The following CDKAL1 variants were observed in gnomAD, a reference collection of about 807,000 sequenced individuals.
CDKAL1 encodes the protein threonylcarbamoyladenosine tRNA methylthiotransferase.
A neutral mutation model predicts 68.2 loss-of-function variants in CDKAL1; 32 were observed. The observed-to-expected ratio is 0.47, with a 90% CI of 0.35 to 0.63. CDKAL1 has a LOEUF of 0.63. Ranked by LOEUF, CDKAL1 falls within the 30% of genes least tolerant of loss-of-function variation. The pLI is 0.00. For missense variants in CDKAL1, 606 were observed against 696.7 expected (o/e 0.87, Z 1.47); for synonymous variants, 234 against 244.3 (o/e 0.96, Z 0.39).
At chr6:20,605,802 C>T (rs1385047451) in intron 4 of CDKAL1, among the ~76,000 whole-genome samples, 2 of 152,168 alleles carry the variant, frequency 1.3e-5, no homozygotes, top group African/African-American at 4.8e-5. Flanking sequence ...ACTGAGTCAG[C>T]TCTGGGCGCC....
At chr6:20,762,661 C>T (rs888375540) in intron 7 of CDKAL1, among the ~76,000 whole-genome samples, 1 of 152,106 alleles carries the variant, frequency 6.6e-6, no homozygotes, top group Non-Finnish European at 1.5e-5. Flanking sequence ...TTAAAATGGT[C>T]AGGATTAAAT....
intron 12 of CDKAL1, among the ~76,000 whole-genome samples, chr6:21,065,676 C>CTT (rs200076110): frequency 0.36 from 47,276 of 133,070 alleles, 8,688 homozygotes; most frequent in Admixed American, 0.41. Flanking sequence ...ATCTTTCTAC[C>CTT]TTTTTTTTTT....
chr6:21,075,402 C>T (rs1772016705), intron 12 of CDKAL1, among the ~76,000 whole-genome samples: 1 of 151,372 alleles, frequency 6.6e-6, no homozygotes, highest in African/African-American at 2.4e-5. Flanking sequence ...TATTTAAATC[C>T]CAAATGGATA....
intron 9 of CDKAL1, among the ~76,000 whole-genome samples, chr6:20,902,355 AC>A (rs1762042420): frequency 0.066 from 346 of 5,212 alleles, 3 homozygotes; most frequent in South Asian, 0.24. Flanking sequence ...ACACACACAC[AC>A]ACAATGTGTT....
chr6:20,967,995 T>G (rs988294562), intron 10 of CDKAL1, among the ~76,000 whole-genome samples: 15 of 152,190 alleles, frequency 9.9e-5, no homozygotes, highest in African/African-American at 3.4e-4. Flanking sequence ...CCCTTATCTA[T>G]AAGTTGCTGA....
chr6:20,649,214 A>G (rs1224300634), intron 4 of CDKAL1, 79 bp from the exon 5 acceptor site: 1 of 918,282 alleles, frequency 1.1e-6, no homozygotes, highest in Non-Finnish European at 1.8e-6. Flanking sequence ...CCCCTACCGC[A>G]GCAATCCCAG....
chr6:20,600,233 TTTTTA>T (rs1379885286), intron 4 of CDKAL1, among the ~76,000 whole-genome samples: 1 of 152,212 alleles, frequency 6.6e-6, no homozygotes, highest in Non-Finnish European at 1.5e-5. Flanking sequence ...TTGGCAATTC[TTTTTA>T]TTAAATATTG....
intron 9 of CDKAL1, among the ~76,000 whole-genome samples, chr6:20,896,098 C>CTTTTTTTTTTTTT (rs1291895133): frequency 4.8e-5 from 5 of 104,126 alleles, no homozygotes; most frequent in Admixed American, 1.3e-4. Context: ...CTTTTCTTTT[C>CTTTTTTTTTTTTT]TTTTCTTTTT....
intron 14 of CDKAL1, among the ~76,000 whole-genome samples, chr6:21,200,164 G>C (rs1025378880): frequency 1.3e-4 from 20 of 152,196 alleles, no homozygotes; most frequent in Non-Finnish European, 1.5e-5. Context: ...AGAAGTGTAA[G>C]GGAGACATCA....
intron 9 of CDKAL1, among the ~76,000 whole-genome samples, chr6:20,935,650 G>A (rs1008690892): frequency 4.6e-5 from 7 of 152,020 alleles, no homozygotes; most frequent in East Asian, 3.9e-4. Context: ...GACTGGTCTC[G>A]AACTCCTGAC....
At position 20,950,079 on chromosome 6, in the gene CDKAL1, C is replaced by T. The variant is rs145427011; in HGVS notation, c.743-5340C>T. Among the ~76,000 whole-genome samples the T allele has an allele frequency of 5.4e-3, 825 of 151,816 alleles. 3 individuals carry two copies. Among genetic ancestry groups the T allele is most frequent in the Non-Finnish European group, 8.7e-3 (593 of 67,916 alleles). On this transcript the variant is annotated intron_variant, in intron 9 of 15. Transcript: ENST00000274695. The stretch of plus-strand genomic sequence containing the variant: ...TGCTAGGATGGCAGGCACGAGCGCC[C>T]GGCCTCAAAGAGGTATTTTTTATGC...
intron 13 of CDKAL1, among the ~76,000 whole-genome samples, chr6:21,154,942 G>T (rs6456399): frequency 0.24 from 35,903 of 151,342 alleles, 4,511 homozygotes; most frequent in African/African-American, 0.28. Context: ...TCAGTGAGCC[G>T]ATTGTGCCAC....
intron 4 of CDKAL1, among the ~76,000 whole-genome samples, chr6:20,581,252 C>G (rs1414436968): frequency 2.0e-5 from 3 of 152,120 alleles, no homozygotes; most frequent in African/African-American, 7.2e-5. Context: ...CATTTACTAA[C>G]TCATAAAATT....
intron 4 of CDKAL1, among the ~76,000 whole-genome samples, chr6:20,632,162 C>CT (rs747042770): frequency 2.6e-5 from 4 of 152,182 alleles, no homozygotes; most frequent in Non-Finnish European, 5.9e-5. Flanking sequence ...AACATCATAG[C>CT]TTAGCCCATC....
At chr6:20,847,271 T>C (rs1194531171) in intron 9 of CDKAL1, among the ~76,000 whole-genome samples, 1 of 152,202 alleles carries the variant, frequency 6.6e-6, no homozygotes, top group African/African-American at 2.4e-5. Context: ...TACAGCCAGA[T>C]TATTGTCTAA....
intron 13 of CDKAL1, among the ~76,000 whole-genome samples, chr6:21,195,074 T>C (rs1374439146): frequency 1.3e-5 from 2 of 152,128 alleles, no homozygotes; most frequent in Non-Finnish European, 2.9e-5. Context: ...TATATATGTA[T>C]GCATATATTT....
chr6:20,606,899 C>A (rs1268150322), intron 4 of CDKAL1, among the ~76,000 whole-genome samples: 1 of 152,150 alleles, frequency 6.6e-6, no homozygotes, highest in Non-Finnish European at 1.5e-5. Context: ...TCACTCTAGA[C>A]CAGGTGGTTT....
At chr6:21,093,466 G>A (rs1160791494) in intron 12 of CDKAL1, among the ~76,000 whole-genome samples, 6 of 152,158 alleles carry the variant, frequency 3.9e-5, no homozygotes, top group African/African-American at 9.7e-5. Context: ...AGAGGTGAGC[G>A]AAATCTCCAG....
At chr6:20,883,557 T>C (rs182855562) in intron 9 of CDKAL1, among the ~76,000 whole-genome samples, 6 of 152,356 alleles carry the variant, frequency 3.9e-5, no homozygotes, top group East Asian at 1.9e-4. Flanking sequence ...ATTTAATTAA[T>C]TTAAAACTAA....
Sources: gnomAD v4.1 joint callset for allele counts (sites outside exome capture counted in the v4.1 genomes callset) on GRCh38, gnomAD v4.1.1 for gene constraint, MANE v1.5 for transcripts, NCBI Gene and HGNC (gene_info 2026-07-23, HGNC 2026-07-21) for gene names.